The following CNTN6 variants were observed in gnomAD, a reference collection of about 807,000 sequenced individuals.
CNTN6 encodes the protein contactin-6.
Under a neutral mutation model 122.8 loss-of-function variants are expected in CNTN6, and 137 were observed. The ratio of observed to expected loss-of-function variants is 1.12; its 90% CI spans 0.97 to 1.29. The LOEUF is 1.29. Ranked by LOEUF, CNTN6 falls within the 50% of genes most tolerant of loss-of-function variation. The probability of loss-of-function intolerance (pLI) is 0.00; values close to 1 mark genes in which losing one functional copy is unlikely to be tolerated. For missense variants in CNTN6, 1,634 were observed against 1,223.4 expected, an observed-to-expected ratio of 1.34 and a Z score of -5.01; for synonymous variants, 570 against 426.0, an observed-to-expected ratio of 1.34 and a Z score of -4.16.
At chr3:1,123,336 T>C (rs913677724) in intron 1 of CNTN6, among the ~76,000 whole-genome samples, 2 of 151,898 alleles carry the variant, frequency 1.3e-5, no homozygotes, top group African/African-American at 2.4e-5. Flanking sequence ...CAATATTTTC[T>C]AGTTCTCAGT....
intron 7 of CNTN6, among the ~76,000 whole-genome samples, chr3:1,314,945 A>G (rs1172275518): frequency 1.3e-5 from 2 of 152,042 alleles, no homozygotes; most frequent in Admixed American, 6.6e-5. Flanking sequence ...GAATCTTTGA[A>G]TAAGAGAATT....
chr3:1,265,421 T>G (rs1426992220), intron 4 of CNTN6, among the ~76,000 whole-genome samples: 1 of 152,172 alleles, frequency 6.6e-6, no homozygotes, highest in Non-Finnish European at 1.5e-5. Flanking sequence ...TTCTCTGCTC[T>G]GGGTCTTACA....
intron 4 of CNTN6, among the ~76,000 whole-genome samples, chr3:1,242,175 T>A (rs2094494704): frequency 6.6e-6 from 1 of 152,170 alleles, no homozygotes; most frequent in African/African-American, 2.4e-5. Flanking sequence ...TGTGAAGCTT[T>A]GCAGCAGTAC....
intron 12 of CNTN6, among the ~76,000 whole-genome samples, chr3:1,353,997 G>A (rs1706114750): frequency 6.6e-6 from 1 of 151,386 alleles, no homozygotes; most frequent in African/African-American, 2.4e-5. Flanking sequence ...CCTTCACTCT[G>A]GAGGATAAGA....
chr3:1,136,605 C>G (rs1229580990), intron 1 of CNTN6, among the ~76,000 whole-genome samples: 1 of 152,148 alleles, frequency 6.6e-6, no homozygotes, highest in Non-Finnish European at 1.5e-5. Context: ...CTGTAGGAAG[C>G]CTTACCCTGT....
At chr3:1,140,880 A>T (rs899619304) in intron 1 of CNTN6, among the ~76,000 whole-genome samples, 1 of 152,176 alleles carries the variant, frequency 6.6e-6, no homozygotes, top group Non-Finnish European at 1.5e-5. Context: ...TCTATCATCT[A>T]TTATGGCTGC....
intron 1 of CNTN6, among the ~76,000 whole-genome samples, chr3:1,114,355 T>C (rs1220931196): frequency 6.6e-6 from 1 of 152,196 alleles, no homozygotes; most frequent in Non-Finnish European, 1.5e-5. Flanking sequence ...GAATCAAGCC[T>C]TGGAGATGTT....
At chr3:1,260,260 C>T (rs537990321) in intron 4 of CNTN6, among the ~76,000 whole-genome samples, 20 of 152,066 alleles carry the variant, frequency 1.3e-4, no homozygotes, top group African/African-American at 4.1e-4. Context: ...TGTTTGTTTT[C>T]GGGAGTCAAT....
chr3:1,237,454 C>T (rs1413869257), intron 4 of CNTN6, among the ~76,000 whole-genome samples: 4 of 152,132 alleles, frequency 2.6e-5, no homozygotes, highest in Non-Finnish European at 5.9e-5. Context: ...GAAGAGAAAT[C>T]TAACAATTTG....
At chr3:1,213,649 A>G (rs926235180) in intron 2 of CNTN6, among the ~76,000 whole-genome samples, 9 of 151,958 alleles carry the variant, frequency 5.9e-5, no homozygotes, top group African/African-American at 2.2e-4. Flanking sequence ...GAAAAGATAT[A>G]CTGTATTCAT....
intron 2 of CNTN6, among the ~76,000 whole-genome samples, chr3:1,191,556 G>C (rs964985087): frequency 7.9e-5 from 12 of 152,166 alleles, no homozygotes; most frequent in African/African-American, 2.9e-4. Flanking sequence ...TACCTTTTCA[G>C]CCAGCTGTTT....
chr3:1,305,384 T>A (rs366824), intron 7 of CNTN6, among the ~76,000 whole-genome samples: 97,929 of 152,082 alleles, frequency 0.64, 33,602 homozygotes, highest in African/African-American at 0.89. Context: ...CTGACTTCCT[T>A]TGTTGGAGTT....
At chr3:1,123,867 G>T (rs1433588859) in intron 1 of CNTN6, among the ~76,000 whole-genome samples, 2 of 151,898 alleles carry the variant, frequency 1.3e-5, no homozygotes, top group Non-Finnish European at 2.9e-5. Context: ...TGTAGTCCTA[G>T]TTTTCTGAAT....
chr3:1,352,279 G>T (rs1378575362), intron 11 of CNTN6, 45 bp from the exon 12 acceptor site: 2 of 1,436,576 alleles, frequency 1.4e-6, no homozygotes, highest in Non-Finnish European at 1.8e-6. Context: ...TGATTTACCA[G>T]TGTTGAAGAG....
At chr3:1,270,542 G>A (rs1328244891) in intron 4 of CNTN6, among the ~76,000 whole-genome samples, 2 of 152,126 alleles carry the variant, frequency 1.3e-5, no homozygotes, top group African/African-American at 4.8e-5. Flanking sequence ...TTTGCCGTAG[G>A]CCAAAACAAA....
In CNTN6 at chr3:1,108,074, G is replaced by T. The variant is rs537628444; in HGVS notation, c.-83+14954G>T. Among the ~76,000 whole-genome samples the T allele has an allele frequency of 1.9e-3, 295 of 152,026 alleles. 8 individuals carry two copies. The highest frequency in any genetic ancestry group is 3.1e-4 in the Non-Finnish European group (21 of 67,902). On this transcript the variant is annotated intron_variant, in intron 1 of 22. Coordinates refer to ENST00000446702, the MANE Select transcript of CNTN6 (RefSeq NM_001289080.2). ...AGATAGCTCCCAGCATCTACATCCC[G>T]TTTTCAATTTTATTTCTAATAAAAA...
rs189765715 is a variant in CNTN6, at chr3:1,106,666, G to A, written c.-83+13546G>A. Among the ~76,000 whole-genome samples, 316 of 152,152 alleles carry A rather than the reference G, an allele frequency of 2.1e-3. 2 individuals carry two copies. Among genetic ancestry groups the A allele is most frequent in the Non-Finnish European group, 3.2e-3 (216 of 67,958 alleles). On this transcript the variant is annotated intron_variant, in intron 1 of 22. Coordinates refer to ENST00000446702, the MANE Select transcript of CNTN6 (RefSeq NM_001289080.2). Reference sequence around the variant, plus strand: ...TTATAAATTTCTTAAGTGATTTGTAGTACACTGTGGACTTGACTGTTACTT... The same window carrying A: ...TTATAAATTTCTTAAGTGATTTGTAATACACTGTGGACTTGACTGTTACTT...
intron 7 of CNTN6, 134 bp from the exon 8 acceptor site, chr3:1,321,516 A>T: frequency 1.3e-6 from 1 of 773,884 alleles, no homozygotes; most frequent in Non-Finnish European, 2.1e-6. Flanking sequence ...TGATTGCATG[A>T]TCTGAAAACT....
intron 2 of CNTN6, among the ~76,000 whole-genome samples, chr3:1,158,138 C>T (rs984059524): frequency 2.6e-5 from 4 of 152,182 alleles, no homozygotes; most frequent in Non-Finnish European, 5.9e-5. Flanking sequence ...TACTAATTTA[C>T]ATTCTCACCA....
Sources: allele counts gnomAD v4.1 joint callset (sites outside exome capture counted in the v4.1 genomes callset), GRCh38; gene constraint gnomAD v4.1.1; transcripts MANE v1.5; gene names NCBI Gene and HGNC (gene_info 2026-07-23, HGNC 2026-07-21).